The following LRMDA variants were observed in gnomAD, a reference collection of about 807,000 sequenced individuals.
LRMDA encodes the protein leucine-rich melanocyte differentiation-associated protein.
Under a neutral mutation model 29.8 loss-of-function variants are expected in LRMDA, and 18 were observed. That is an observed-to-expected ratio of 0.60 (90% confidence interval 0.42 to 0.90). The LOEUF (loss-of-function observed/expected upper bound fraction) is 0.90, where lower values mean the gene tolerates loss of function less well. Ranked by LOEUF, LRMDA falls within the 40% of genes least tolerant of loss-of-function variation. LRMDA has a pLI of 0.00. For synonymous variants in LRMDA, 125 were observed against 109.4 expected (o/e 1.14, Z -0.89); for missense variants, 273 against 273.9 (o/e 1.00, Z 0.02).
intron 5 of LRMDA, among the ~76,000 whole-genome samples, chr10:76,319,760 C>CA (rs35030628): frequency 0.91 from 138,101 of 152,152 alleles, 63,263 homozygotes; most frequent in Non-Finnish European, 0.96. Context: ...AAGAGGCTGA[C>CA]TATTTCCCAG....
At chr10:76,525,217 G>A (rs1174918711) in intron 6 of LRMDA, among the ~76,000 whole-genome samples, 1 of 152,162 alleles carries the variant, frequency 6.6e-6, no homozygotes, top group East Asian at 1.9e-4. Context: ...AAGAATTTGT[G>A]TTTCTAATGG....
chr10:76,512,278 T>G (rs866091128), intron 6 of LRMDA, among the ~76,000 whole-genome samples: 4 of 152,238 alleles, frequency 2.6e-5, no homozygotes, highest in African/African-American at 9.6e-5. Flanking sequence ...CGGGTATGTC[T>G]TTATCAGCAG....
chr10:76,385,181 T>C (rs1841644589), intron 6 of LRMDA, among the ~76,000 whole-genome samples: 1 of 152,312 alleles, frequency 6.6e-6, no homozygotes, highest in Admixed American at 6.5e-5. Flanking sequence ...TGAGAGGAAA[T>C]ACGGAATTGG....
chr10:76,178,593 T>C (rs1850984267), intron 5 of LRMDA, among the ~76,000 whole-genome samples: 1 of 152,036 alleles, frequency 6.6e-6, no homozygotes, highest in South Asian at 2.1e-4. Context: ...CTGAACTCAG[T>C]TGGGGTGAGG....
chr10:75,538,868 C>A (rs758891182), intron 2 of LRMDA, among the ~76,000 whole-genome samples: 1 of 152,126 alleles, frequency 6.6e-6, no homozygotes, highest in African/African-American at 2.4e-5. Context: ...TTCTGCTAGC[C>A]TCATGTGATA....
rs1310301569 is a variant in LRMDA at position 75,851,376 on chromosome 10, G to A, written c.132-184632G>A. ...TATGTTTTTCTATTCTTATCCTGTT[G>A]TGTCTTGCCTCCTGGCTTCTCTCTT... On this transcript the variant is annotated intron_variant, in intron 2 of 6. Coordinates refer to ENST00000611255, the MANE Select transcript of LRMDA (RefSeq NM_001305581.2). Among the ~76,000 whole-genome samples, 8 of 152,302 alleles carry A rather than the reference G, an allele frequency of 5.3e-5. No individual in the cohort carries two copies. In the South Asian group the frequency reaches 1.7e-3, roughly 32 times the overall value.
chr10:76,139,158 T>G (rs1161193440), intron 5 of LRMDA, among the ~76,000 whole-genome samples: 1 of 152,186 alleles, frequency 6.6e-6, no homozygotes, highest in Non-Finnish European at 1.5e-5. Context: ...GCAATTAAAC[T>G]CACTGTAGTG....
chr10:76,432,056 C>A (rs370110321), intron 6 of LRMDA, among the ~76,000 whole-genome samples: 6 of 152,124 alleles, frequency 3.9e-5, no homozygotes, highest in African/African-American at 1.2e-4. Context: ...TGAAAATGGA[C>A]TAATACAGAT....
At chr10:75,471,175 C>G (rs1352432428) in intron 2 of LRMDA, among the ~76,000 whole-genome samples, 1 of 151,502 alleles carries the variant, frequency 6.6e-6, no homozygotes, top group Non-Finnish European at 1.5e-5. Flanking sequence ...TAATAAACCA[C>G]TTATAATTTC....
intron 2 of LRMDA, among the ~76,000 whole-genome samples, chr10:75,593,799 G>T (rs747353489): frequency 4.9e-4 from 75 of 152,066 alleles, no homozygotes; most frequent in Non-Finnish European, 8.7e-4. Context: ...CTCCCGCCTT[G>T]CCCCTTGGGG....
chr10:76,203,786 G>A (rs1388072183), intron 5 of LRMDA, among the ~76,000 whole-genome samples: 2 of 147,444 alleles, frequency 1.4e-5, no homozygotes, highest in African/African-American at 5.1e-5. Context: ...TCTATTTCAT[G>A]TGCCCATCCA....
At chr10:75,820,089 A>G (rs1844131203) in intron 2 of LRMDA, among the ~76,000 whole-genome samples, 1 of 152,192 alleles carries the variant, frequency 6.6e-6, no homozygotes, top group Non-Finnish European at 1.5e-5. Context: ...TACTGACAAC[A>G]TTAGACAGAT....
chr10:76,490,760 C>G (rs1228746417), intron 6 of LRMDA, among the ~76,000 whole-genome samples: 1 of 151,842 alleles, frequency 6.6e-6, no homozygotes, highest in Non-Finnish European at 1.5e-5. Flanking sequence ...TTGGAGAATT[C>G]AGTCCATTTA....
chr10:75,729,957 C>G (rs114458801), intron 2 of LRMDA, among the ~76,000 whole-genome samples: 143 of 152,226 alleles, frequency 9.4e-4, no homozygotes, highest in African/African-American at 3.2e-3. Context: ...ACCACCAAGG[C>G]TATTTTTTTT....
At chr10:76,257,650 AT>A (rs1852621817) in intron 5 of LRMDA, among the ~76,000 whole-genome samples, 1 of 152,110 alleles carries the variant, frequency 6.6e-6, no homozygotes, top group Non-Finnish European at 1.5e-5. Context: ...GGGTATTTTT[AT>A]TTTTATTTTG....
chr10:75,781,722 GT>G (rs1232875983), intron 2 of LRMDA, among the ~76,000 whole-genome samples: 5 of 152,156 alleles, frequency 3.3e-5, no homozygotes, highest in African/African-American at 1.2e-4. Flanking sequence ...GAAAAAAGAG[GT>G]TTAGGTAAGG....
At chr10:76,398,381 C>G (rs2132493026) in intron 6 of LRMDA, among the ~76,000 whole-genome samples, 1 of 152,272 alleles carries the variant, frequency 6.6e-6, no homozygotes, top group East Asian at 1.9e-4. Context: ...ATAACCAATT[C>G]CACTGATTGC....
intron 6 of LRMDA, among the ~76,000 whole-genome samples, chr10:76,459,300 G>A (rs989044027): frequency 1.3e-5 from 2 of 152,150 alleles, no homozygotes; most frequent in Non-Finnish European, 2.9e-5. Context: ...GAGATTGATA[G>A]CCTGTTACTA....
chr10:76,137,394 C>T lies in LRMDA; in HGVS notation c.516+78611C>T, dbSNP rs1437472994. ...TGATGAGGTCTTACTTAATGATAGC[C>T]TCCAATTATTCACCAAGACGAGGGG... On this transcript the variant is annotated intron_variant, in intron 5 of 6. Coordinates refer to ENST00000611255, the MANE Select transcript of LRMDA (RefSeq NM_001305581.2). Among the ~76,000 whole-genome samples, 7 of 152,136 alleles carry T rather than the reference C, an allele frequency of 4.6e-5. No individual in the cohort carries two copies. In the East Asian group the frequency reaches 1.3e-3, roughly 29 times the overall value.
Sources: allele counts gnomAD v4.1 joint callset (sites outside exome capture counted in the v4.1 genomes callset), GRCh38; gene constraint gnomAD v4.1.1; transcripts MANE v1.5; gene names NCBI Gene and HGNC (gene_info 2026-07-23, HGNC 2026-07-21).